PCDHAC1: variants seen among roughly 807,000 people sequenced by gnomAD.
PCDHAC1 encodes protocadherin alpha-C1.
PCDHAC1 carries 42 observed loss-of-function variants against 60.0 expected under a neutral mutation model. That is an observed-to-expected ratio of 0.70 (90% confidence interval 0.55 to 0.90). PCDHAC1 has a LOEUF of 0.90. Among genes scored for constraint, PCDHAC1 ranks in the 40% least tolerant of loss-of-function variants. The pLI, the probability that PCDHAC1 is intolerant of heterozygous loss-of-function variation, is 0.00. For missense variants in PCDHAC1, 1,160 were observed against 1,222.3 expected, an observed-to-expected ratio of 0.95 and a Z score of 0.76; for synonymous variants, 468 against 499.3, an observed-to-expected ratio of 0.94 and a Z score of 0.84.
Position 141,010,021 on chromosome 5 carries a change from T to C in PCDHAC1, c.*84T>C. 1 of 1,572,108 alleles carries C rather than the reference T, an allele frequency of 6.4e-7. No individual in the cohort carries two copies. The highest frequency in any genetic ancestry group is 1.9e-5 in the Admixed American group (1 of 52,756). On this transcript the variant is annotated 3_prime_UTR_variant, in exon 4 of 4. Coordinates refer to ENST00000253807, the MANE Select transcript of PCDHAC1 (RefSeq NM_018898.5). ...CATGTAGCAATTCCCTGCTCCTTTTTCCTATCTACATGAGCCCTCTTAGAG... is the reference window on the plus strand; with the variant it reads ...CATGTAGCAATTCCCTGCTCCTTTTCCCTATCTACATGAGCCCTCTTAGAG...
intron 1 of PCDHAC1, chr5:140,966,278 T>TGG (rs1173319352): frequency 3.6e-5 from 13 of 363,192 alleles, no homozygotes; most frequent in Admixed American, 2.8e-4. Context: ...AACTGGACAG[T>TGG]GGGGGTAGGG....
At chr5:140,999,319 T>G (rs2097853876) in intron 3 of PCDHAC1, among the ~76,000 whole-genome samples, 1 of 152,236 alleles carries the variant, frequency 6.6e-6, no homozygotes, top group African/African-American at 2.4e-5. Flanking sequence ...TGACAGACAT[T>G]GATCTGTGTG....
chr5:140,983,429 T>G (rs2097050099), intron 3 of PCDHAC1, among the ~76,000 whole-genome samples: 1 of 152,214 alleles, frequency 6.6e-6, no homozygotes, highest in South Asian at 2.1e-4. Flanking sequence ...AGACCACAAA[T>G]TGTGTCTACT....
intron 1 of PCDHAC1, among the ~76,000 whole-genome samples, chr5:140,961,843 G>T (rs1244708157): frequency 1.3e-5 from 2 of 151,972 alleles, no homozygotes; most frequent in Non-Finnish European, 2.9e-5. Flanking sequence ...CAGTGCCTTG[G>T]AAGATCATTT....
At chr5:140,984,433 T>C (rs2097103477) in intron 3 of PCDHAC1, among the ~76,000 whole-genome samples, 1 of 152,182 alleles carries the variant, frequency 6.6e-6, no homozygotes, top group East Asian at 1.9e-4. Flanking sequence ...GAAGGGGATC[T>C]CCCTTGTTCC....
At chr5:140,951,395 G>A (rs1036290024) in intron 1 of PCDHAC1, among the ~76,000 whole-genome samples, 1 of 152,030 alleles carries the variant, frequency 6.6e-6, no homozygotes, top group African/African-American at 2.4e-5. Flanking sequence ...AATTTATAAA[G>A]AAAAGAGGTT....
intron 1 of PCDHAC1, chr5:140,967,750 C>G (rs782284231): frequency 6.2e-7 from 1 of 1,614,190 alleles, no homozygotes; most frequent in South Asian, 1.1e-5. Flanking sequence ...ATGAGGAAGC[C>G]TCCTCCTACC....
At chr5:141,006,828 G>A (rs1554260937) in intron 3 of PCDHAC1, among the ~76,000 whole-genome samples, 1 of 152,162 alleles carries the variant, frequency 6.6e-6, no homozygotes, top group Non-Finnish European at 1.5e-5. Context: ...TAAATGGGGT[G>A]TAATTTACTG....
At chr5:140,966,396 C>T (rs770476013) in intron 1 of PCDHAC1, 11 of 405,036 alleles carry the variant, frequency 2.7e-5, no homozygotes, top group Admixed American at 4.4e-5. Flanking sequence ...TCCGCCACTT[C>T]GGCGCGGAAT....
intron 3 of PCDHAC1, among the ~76,000 whole-genome samples, chr5:141,006,870 G>A (rs782345830): frequency 1.1e-4 from 16 of 152,174 alleles, no homozygotes; most frequent in Non-Finnish European, 1.5e-4. Flanking sequence ...GAATAGATTC[G>A]AGGAATCAAG....
In PCDHAC1 at chr5:140,966,999, G is replaced by A. The variant is rs782081862; in HGVS notation, c.2434-11950G>A. 115 of 1,604,458 alleles carry A rather than the reference G, an allele frequency of 7.2e-5. No homozygotes were observed. The highest frequency in any genetic ancestry group is 8.8e-5 in the Non-Finnish European group (104 of 1,177,324). ...CGGCGCTTGGGGCCGGGTTGCTTGC[G>A]CATCAACCATCTGGGTGCGCCCAGT... On this transcript the variant is annotated intron_variant, in intron 1 of 3. Transcript: ENST00000253807.
At chr5:141,005,633 C>T (rs1292206901) in intron 3 of PCDHAC1, among the ~76,000 whole-genome samples, 2 of 126,368 alleles carry the variant, frequency 1.6e-5, no homozygotes. Context: ...ACCCGGGAGG[C>T]GGAGCTTGCA....
chr5:140,946,163 T>C (rs1345991689), intron 1 of PCDHAC1, among the ~76,000 whole-genome samples: 1 of 151,884 alleles, frequency 6.6e-6, no homozygotes, highest in African/African-American at 2.4e-5. Flanking sequence ...ATTTAAAAGA[T>C]GGGTAAAGGA....
At chr5:140,955,684 G>A (rs1231376434) in intron 1 of PCDHAC1, among the ~76,000 whole-genome samples, 2 of 152,156 alleles carry the variant, frequency 1.3e-5, no homozygotes, top group African/African-American at 4.8e-5. Flanking sequence ...TTCGAAATCT[G>A]TGATGAATGT....
intron 1 of PCDHAC1, among the ~76,000 whole-genome samples, chr5:140,951,417 C>G (rs1259525145): frequency 6.6e-6 from 1 of 152,044 alleles, no homozygotes; most frequent in Non-Finnish European, 1.5e-5. Context: ...AATTGGCTCA[C>G]AGTTCCACAG....
chr5:140,967,733 C>A (rs1473723959), intron 1 of PCDHAC1: 1 of 1,614,024 alleles, frequency 6.2e-7, no homozygotes, highest in Non-Finnish European at 8.5e-7. Flanking sequence ...AATTGGGGGG[C>A]TGGATTATGA....
chr5:141,009,580 G>A (rs1554262213), intron 3 of PCDHAC1, 47 bp from the exon 4 acceptor site: 1 of 1,588,170 alleles, frequency 6.3e-7, no homozygotes, highest in South Asian at 1.2e-5. Flanking sequence ...GTGGCATCAA[G>A]AGCATGTGTT....
chr5:140,967,997 C>T (rs551685820), intron 1 of PCDHAC1: 1 of 1,614,102 alleles, frequency 6.2e-7, no homozygotes, highest in Non-Finnish European at 8.5e-7. Flanking sequence ...ACTGCCTTTC[C>T]GACTGAATGG....
chr5:140,929,344 A>G lies in PCDHAC1; in HGVS notation c.2433+19A>G. On this transcript the variant is annotated intron_variant, in intron 1 of 3. Transcript: ENST00000253807. ...TGCCATGGTAAGCAAATTTTATGGA[A>G]TTTGATTCCTTTGGCCCGGAGATGG... is the stretch of plus-strand genomic sequence containing the variant. 6.5e-7 allele frequency: 1 copy of G among 1,531,050 alleles called. No individual in the cohort carries two copies. The highest frequency in any genetic ancestry group is 1.3e-5 in the South Asian group (1 of 77,714). 94.8% of individuals were successfully genotyped at this position (1,531,050 alleles called of 1,614,324 possible). A position where few individuals can be genotyped will look rare whatever the true frequency, so the allele number is the denominator to read the frequency against.
Sources: gnomAD v4.1 joint callset for allele counts (sites outside exome capture counted in the v4.1 genomes callset) on GRCh38, gnomAD v4.1.1 for gene constraint, MANE v1.5 for transcripts, NCBI Gene and HGNC (gene_info 2026-07-23, HGNC 2026-07-21) for gene names.